PARD3B: variants seen among roughly 807,000 people sequenced by gnomAD.
The protein encoded by PARD3B is partitioning defective 3 homolog B.
PARD3B carries 103 observed loss-of-function variants against 130.2 expected under a neutral mutation model. The observed-to-expected ratio is 0.79, with a 90% confidence interval of 0.67 to 0.93. The LOEUF is 0.93. PARD3B is among the 40% of genes least tolerant of loss of function. The pLI, the probability that PARD3B is intolerant of heterozygous loss-of-function variation, is 0.00. For missense variants in PARD3B, 1,609 were observed against 1,499.2 expected (o/e 1.07, Z -1.21); for synonymous variants, 583 against 553.2 (o/e 1.05, Z -0.76).
At chr2:205,213,823 G>C (rs900936587) in intron 15 of PARD3B, among the ~76,000 whole-genome samples, 24 of 152,188 alleles carry the variant, frequency 1.6e-4, no homozygotes, top group African/African-American at 4.8e-4. Flanking sequence ...AAGGTCAAAG[G>C]CTTCAATTTC....
intron 1 of PARD3B, among the ~76,000 whole-genome samples, chr2:204,680,271 A>G (rs1574685625): frequency 1.3e-5 from 2 of 152,114 alleles, no homozygotes; most frequent in South Asian, 4.1e-4. Flanking sequence ...TTTTTGTATT[A>G]ATCATATTTT....
At chr2:204,984,474 C>T (rs111835816) in intron 3 of PARD3B, among the ~76,000 whole-genome samples, 234 of 152,144 alleles carry the variant, frequency 1.5e-3, no homozygotes, top group African/African-American at 5.3e-3. Context: ...CCAGTGATAG[C>T]CAGGGCCCTT....
At chr2:204,641,688 A>G (rs1200830536) in intron 1 of PARD3B, among the ~76,000 whole-genome samples, 2 of 152,204 alleles carry the variant, frequency 1.3e-5, no homozygotes, top group Non-Finnish European at 2.9e-5. Flanking sequence ...ACACTTTCAT[A>G]TGTAGTTGTC....
chr2:205,498,846 T>C lies in PARD3B; in HGVS notation c.3045-1050T>C, dbSNP rs559540501. Among the ~76,000 whole-genome samples the C allele has an allele frequency of 8.7e-4, 132 of 152,308 alleles. 1 individual carries two copies. The highest frequency in any genetic ancestry group is 1.7e-3 in the Non-Finnish European group (117 of 68,018). On this transcript the variant is annotated intron_variant, in intron 20 of 22. Coordinates refer to ENST00000406610, the MANE Select transcript of PARD3B (RefSeq NM_001302769.2). ...TTCTTCAATGGCCCTGCTCTCACCT[T>C]GTCAAAGTTTAAGCACTCTGCGTTC...
At chr2:205,009,714 G>A (rs1256951532) in intron 3 of PARD3B, among the ~76,000 whole-genome samples, 1 of 151,458 alleles carries the variant, frequency 6.6e-6, no homozygotes, top group African/African-American at 2.4e-5. Flanking sequence ...ATATTAATAA[G>A]TTGTGCTTAT....
At chr2:205,381,069 TTA>T (rs1559035671) in intron 18 of PARD3B, among the ~76,000 whole-genome samples, 10 of 23,678 alleles carry the variant, frequency 4.2e-4, no homozygotes, top group African/African-American at 1.1e-3. Context: ...AGAATATATA[TTA>T]TATATATTAT....
chr2:204,951,983 G>T (rs1689814352), intron 2 of PARD3B, among the ~76,000 whole-genome samples: 1 of 152,162 alleles, frequency 6.6e-6, no homozygotes, highest in South Asian at 2.1e-4. Context: ...CAACAAAGAT[G>T]ATTGATGACT....
chr2:205,242,509 T>G (rs2039394699), intron 15 of PARD3B, among the ~76,000 whole-genome samples: 1 of 152,196 alleles, frequency 6.6e-6, no homozygotes, highest in Non-Finnish European at 1.5e-5. Context: ...ATTGCCTTTC[T>G]TCCACTGCAG....
intron 1 of PARD3B, among the ~76,000 whole-genome samples, chr2:204,550,563 G>A (rs1287758479): frequency 6.6e-6 from 1 of 152,126 alleles, no homozygotes; most frequent in African/African-American, 2.4e-5. Flanking sequence ...TGGAATAGCA[G>A]GCATGCTGGA....
chr2:204,799,675 C>G lies in PARD3B; in HGVS notation c.222+113393C>G, dbSNP rs1298495298. On this transcript the variant is annotated intron_variant, in intron 2 of 22. Transcript: ENST00000406610. This position sits in a 1 kb window ranked among gnomAD's most constrained non-coding sequence, Gnocchi z 4.1. ...CCAGGCAGCTCAGCACAGAGAAAGA[C>G]TGACTCTTTTTGGGGGCAAAGTGAG... Among the ~76,000 whole-genome samples, 1 of 152,172 alleles carries G rather than the reference C, an allele frequency of 6.6e-6. No individual in the cohort carries two copies. The highest frequency in any genetic ancestry group is 1.5e-5 in the Non-Finnish European group (1 of 68,032).
intron 21 of PARD3B, among the ~76,000 whole-genome samples, chr2:205,534,458 G>A (rs1198712308): frequency 6.6e-6 from 1 of 151,942 alleles, no homozygotes; most frequent in African/African-American, 2.4e-5. Context: ...GGAGTCTTAT[G>A]GAGTCCACTT....
chr2:205,610,513 A>T (rs1357757413), intron 22 of PARD3B, among the ~76,000 whole-genome samples: 1 of 152,168 alleles, frequency 6.6e-6, no homozygotes, highest in Non-Finnish European at 1.5e-5. Context: ...TTTCCAGTTA[A>T]TCTTGAGTCA....
chr2:205,335,540 C>T (rs1029659900), intron 18 of PARD3B, among the ~76,000 whole-genome samples: 12 of 152,036 alleles, frequency 7.9e-5, no homozygotes, highest in African/African-American at 2.7e-4. Flanking sequence ...ATGTTTTAAA[C>T]GTGGCTGTTC....
At chr2:205,441,997 G>A (rs2047731513) in intron 20 of PARD3B, among the ~76,000 whole-genome samples, 2 of 152,106 alleles carry the variant, frequency 1.3e-5, no homozygotes, top group African/African-American at 4.8e-5. Flanking sequence ...CTTCATAGAG[G>A]ATTGAATTTT....
intron 21 of PARD3B, among the ~76,000 whole-genome samples, chr2:205,527,690 C>G (rs889303496): frequency 6.6e-6 from 1 of 152,186 alleles, no homozygotes; most frequent in Admixed American, 6.5e-5. Context: ...ACCTCCCCTG[C>G]AGCCTCCTTT....
chr2:205,303,005 T>C (rs1414752544), intron 18 of PARD3B, among the ~76,000 whole-genome samples: 1 of 152,054 alleles, frequency 6.6e-6, no homozygotes, highest in Non-Finnish European at 1.5e-5. Context: ...CCCCTTCAAG[T>C]ATAAACTGTT....
rs543890553 is a variant in PARD3B, at chr2:204,598,182, T to C, written c.120+52063T>C. On this transcript the variant is annotated intron_variant, in intron 1 of 22. Transcript: ENST00000406610. ...TCATCTCTACGTAGATTATTTGGAC[T>C]TTACCTTTTCTATCTTACCTGTTTC... is the stretch of plus-strand genomic sequence containing the variant. Among the ~76,000 whole-genome samples the C allele has an allele frequency of 9.1e-4, 139 of 152,308 alleles. 1 individual carries two copies. The highest frequency in any genetic ancestry group is 3.2e-3 in the African/African-American group (132 of 41,576).
intron 1 of PARD3B, among the ~76,000 whole-genome samples, chr2:204,643,423 A>C (rs2035163557): frequency 6.6e-6 from 1 of 152,068 alleles, no homozygotes; most frequent in Non-Finnish European, 1.5e-5. Flanking sequence ...GAATATCTTC[A>C]TACCATCTCA....
Position 205,269,622 on chromosome 2 carries a change from T to C in PARD3B, c.2185+23800T>C, listed in dbSNP as rs2040643110. ...CCTGACAAACAAAAATGCATTACTC[T>C]GTGACAAGGCATAATTAGTAATTTC... On this transcript the variant is annotated intron_variant, in intron 16 of 22. Coordinates refer to ENST00000406610, the MANE Select transcript of PARD3B (RefSeq NM_001302769.2). This position sits in a 1 kb window ranked among gnomAD's most constrained non-coding sequence, Gnocchi z 4.7. Among the ~76,000 whole-genome samples the C allele has an allele frequency of 6.6e-6, 1 of 152,214 alleles. No individual in the cohort carries two copies.
Sources: gnomAD v4.1 joint callset for allele counts (sites outside exome capture counted in the v4.1 genomes callset) on GRCh38, gnomAD v4.1.1 for gene constraint, Gnocchi (gnomAD v3.1) non-coding constraint, MANE v1.5 for transcripts, NCBI Gene and HGNC (gene_info 2026-07-23, HGNC 2026-07-21) for gene names.